The following TXNRD3 variants were observed in gnomAD, a reference collection of about 807,000 sequenced individuals.
TXNRD3 encodes TXNRD3 neighbor gene protein.
A neutral mutation model predicts 78.2 loss-of-function variants in TXNRD3; 68 were observed. The observed-to-expected ratio is 0.87, with a 90% CI of 0.72 to 1.06. TXNRD3 has a LOEUF of 1.06. TXNRD3 is among the 50% of genes least tolerant of loss of function. TXNRD3 has a pLI of 0.00. For synonymous variants in TXNRD3, 296 were observed against 300.1 expected (o/e 0.99, Z 0.14); for missense variants, 751 against 809.5 (o/e 0.93, Z 0.88).
chr3:126,608,197 C>T (rs1228862748), intron 15 of TXNRD3, among the ~76,000 whole-genome samples: 1 of 151,568 alleles, frequency 6.6e-6, no homozygotes, highest in Non-Finnish European at 1.5e-5. Flanking sequence ...CCCATCTCTA[C>T]TAAAAATACA....
chr3:126,616,338 C>T, intron 12 of TXNRD3, among the ~76,000 whole-genome samples: 1 of 152,200 alleles, frequency 6.6e-6, no homozygotes, highest in Non-Finnish European at 1.5e-5. Context: ...GTTCCCCAAT[C>T]CCTGCCAATG....
intron 1 of TXNRD3, among the ~76,000 whole-genome samples, chr3:126,648,414 A>T (rs1295897515): frequency 6.6e-6 from 1 of 152,242 alleles, no homozygotes; most frequent in Non-Finnish European, 1.5e-5. Flanking sequence ...CTGAATAACC[A>T]GAACAATCTT....
chr3:126,610,746 C>T (rs1037335027), intron 14 of TXNRD3, among the ~76,000 whole-genome samples: 2 of 152,130 alleles, frequency 1.3e-5, no homozygotes, highest in African/African-American at 4.8e-5. Context: ...ACTGGTAGGG[C>T]TCAATCACAA....
intron 15 of TXNRD3, among the ~76,000 whole-genome samples, chr3:126,608,281 C>A (rs939805403): frequency 4.4e-4 from 67 of 152,198 alleles, no homozygotes; most frequent in African/African-American, 1.6e-3. Context: ...GAATCACTTG[C>A]ACCTGGGAGG....
At position 126,655,047 on chromosome 3, in the gene TXNRD3, G is replaced by T; in HGVS notation, c.-57C>A. 1 of 1,289,912 alleles carries T rather than the reference G, an allele frequency of 7.8e-7. No individual in the cohort carries two copies. Among genetic ancestry groups the T allele is most frequent in the East Asian group, 3.2e-5 (1 of 30,846 alleles). 79.9% of individuals were successfully genotyped at this position (1,289,912 alleles called of 1,614,324 possible). Reference sequence around the variant, plus strand: ...CTGCTCACAAACCGAAACGCAGGCGGCTGCGGCGCCGGGACGGGGCCTGAG... The same window carrying T: ...CTGCTCACAAACCGAAACGCAGGCGTCTGCGGCGCCGGGACGGGGCCTGAG... On this transcript the variant is annotated 5_prime_UTR_variant, in exon 1 of 16. Coordinates refer to ENST00000524230, the MANE Select transcript of TXNRD3 (RefSeq NM_052883.3).
At chr3:126,622,831 C>A (rs1287147591) in intron 10 of TXNRD3, among the ~76,000 whole-genome samples, 1 of 152,108 alleles carries the variant, frequency 6.6e-6, no homozygotes, top group East Asian at 1.9e-4. Flanking sequence ...AGAGCCTTTA[C>A]AGAGGTAATT....
At chr3:126,609,374 A>G in intron 14 of TXNRD3, 2 of 170,764 alleles carry the variant, frequency 1.2e-5, no homozygotes, top group Middle Eastern at 1.1e-3. Context: ...ACGCATCCAC[A>G]TCTGCTGACG....
At chr3:126,625,715 G>C (rs9877303) in intron 10 of TXNRD3, among the ~76,000 whole-genome samples, 89,302 of 151,934 alleles carry the variant, frequency 0.59, 26,819 homozygotes, top group Non-Finnish European at 0.65. Context: ...TTCAAGAACC[G>C]TGAGGAATTG....
chr3:126,610,800 C>G (rs761278598), intron 14 of TXNRD3, among the ~76,000 whole-genome samples: 1 of 152,066 alleles, frequency 6.6e-6, no homozygotes, highest in Non-Finnish European at 1.5e-5. Context: ...TAAATGACAA[C>G]GTGGAGGTGC....
intron 14 of TXNRD3, among the ~76,000 whole-genome samples, chr3:126,609,846 C>T (rs1412679785): frequency 6.6e-6 from 1 of 152,172 alleles, no homozygotes; most frequent in Non-Finnish European, 1.5e-5. Flanking sequence ...GCGGCTCTCC[C>T]ATCAAACCCC....
In TXNRD3 at chr3:126,608,379, A is replaced by G; in HGVS notation, c.1863+120T>C. On this transcript the variant is annotated intron_variant, in intron 15 of 15. Transcript: ENST00000524230. ...CTGTCTGAAAAAAATAAAATGAAAT[A>G]AAATAAATTTAAAAATATACAAATC... The G allele has an allele frequency of 2.6e-6, 3 of 1,145,750 alleles. No individual in the cohort carries two copies. In the South Asian group the frequency reaches 6.3e-5, roughly 24 times the overall value. The allele number at this position is 1,145,750 out of a possible 1,614,324, so 71.0% of individuals were successfully genotyped here.
chr3:126,655,057 C>T lies in TXNRD3; in HGVS notation c.-67G>A. The T allele has an allele frequency of 7.8e-7, 1 of 1,289,852 alleles. No individual in the cohort carries two copies. Among genetic ancestry groups the T allele is most frequent in the Non-Finnish European group, 9.8e-7 (1 of 1,019,968 alleles). 79.9% of individuals were successfully genotyped at this position (1,289,852 alleles called of 1,614,324 possible). A position where few individuals can be genotyped will look rare whatever the true frequency, so the allele number is the denominator to read the frequency against. On this transcript the variant is annotated 5_prime_UTR_variant, in exon 1 of 16. Coordinates refer to ENST00000524230, the MANE Select transcript of TXNRD3 (RefSeq NM_052883.3). ...ACCGAAACGCAGGCGGCTGCGGCGC[C>T]GGGACGGGGCCTGAGGGGCGGCGAA...
intron 10 of TXNRD3, among the ~76,000 whole-genome samples, chr3:126,627,221 T>C (rs533725817): frequency 6.6e-6 from 1 of 152,272 alleles, no homozygotes; most frequent in East Asian, 1.9e-4. Flanking sequence ...ATAAAATCTA[T>C]ACGATAAAAA....
At chr3:126,619,418 G>A (rs1004621061) in intron 12 of TXNRD3, among the ~76,000 whole-genome samples, 30 of 152,316 alleles carry the variant, frequency 2.0e-4, no homozygotes, top group African/African-American at 6.7e-4. Flanking sequence ...CAACATGAAT[G>A]AGCCTGGAAG....
intron 7 of TXNRD3, among the ~76,000 whole-genome samples, 167 bp from the exon 8 acceptor site, chr3:126,632,046 T>G (rs1022756986): frequency 6.6e-6 from 1 of 152,218 alleles, no homozygotes; most frequent in African/African-American, 2.4e-5. Context: ...ACAGAAGTCT[T>G]TATGAAATAT....
chr3:126,608,457 T>G (rs1298893092), intron 15 of TXNRD3, 42 bp downstream of exon 15: 7 of 1,493,832 alleles, frequency 4.7e-6, no homozygotes, highest in Non-Finnish European at 6.2e-6. Context: ...TTTTTCAAAC[T>G]ACATCAACTG....
chr3:126,643,043 G>C (rs1324411005), intron 5 of TXNRD3, among the ~76,000 whole-genome samples: 1 of 152,202 alleles, frequency 6.6e-6, no homozygotes, highest in Non-Finnish European at 1.5e-5. Flanking sequence ...GGGGCAAGGA[G>C]ACTGAGTGCC....
chr3:126,634,598 C>T (rs767212844), intron 6 of TXNRD3, among the ~76,000 whole-genome samples: 30 of 152,124 alleles, frequency 2.0e-4, no homozygotes, highest in Non-Finnish European at 3.7e-4. Flanking sequence ...TTTACCCATT[C>T]CTTTGGAAGG....
chr3:126,641,843 T>C (rs1933096010), intron 6 of TXNRD3, among the ~76,000 whole-genome samples, 189 bp downstream of exon 6: 2 of 152,234 alleles, frequency 1.3e-5, no homozygotes, highest in Admixed American at 1.3e-4. Context: ...ATTCCCTCTC[T>C]AGGTGGTGAG....
Sources: allele counts gnomAD v4.1 joint callset (sites outside exome capture counted in the v4.1 genomes callset), GRCh38; gene constraint gnomAD v4.1.1; transcripts MANE v1.5; gene names NCBI Gene and HGNC (gene_info 2026-07-23, HGNC 2026-07-21).